Variants in EVA1C observed in about 807,000 individuals in gnomAD.
The protein encoded by EVA1C is protein eva-1 homolog C.
EVA1C carries 25 observed loss-of-function variants against 45.4 expected under a neutral mutation model. The ratio of observed to expected loss-of-function variants is 0.55; its 90% confidence interval spans 0.40 to 0.77. EVA1C has a LOEUF of 0.77. Ranked by LOEUF, EVA1C falls within the 30% of genes least tolerant of loss-of-function variation. EVA1C has a pLI of 0.00. For synonymous variants in EVA1C, 190 were observed against 221.2 expected (o/e 0.86, Z 1.25); for missense variants, 479 against 554.8 (o/e 0.86, Z 1.37).
At chr21:32,451,441 C>T (rs111498222) in intron 1 of EVA1C, among the ~76,000 whole-genome samples, 1 of 152,188 alleles carries the variant, frequency 6.6e-6, no homozygotes, top group African/African-American at 2.4e-5. Flanking sequence ...TAGGCCCCTG[C>T]GCCTGCTGGG....
chr21:32,429,546 G>A (rs1201853055), intron 1 of EVA1C, among the ~76,000 whole-genome samples: 34 of 132,104 alleles, frequency 2.6e-4, no homozygotes, highest in Middle Eastern at 6.7e-3. Flanking sequence ...TAGAGACAGG[G>A]TTTCACCATG....
chr21:32,444,053 A>AACACACACACAC (rs60086580), intron 1 of EVA1C, among the ~76,000 whole-genome samples: 9 of 140,042 alleles, frequency 6.4e-5, no homozygotes, highest in Admixed American at 5.8e-4. Flanking sequence ...ATTGTGTGAA[A>AACACACACACAC]ACACACACAC....
chr21:32,464,570 C>G (rs749646506), intron 3 of EVA1C, among the ~76,000 whole-genome samples: 1 of 151,948 alleles, frequency 6.6e-6, no homozygotes, highest in African/African-American at 2.4e-5. Context: ...GCCTGTAATC[C>G]CAGCAATTTG....
At chr21:32,453,603 A>G in intron 2 of EVA1C, 95 bp downstream of exon 2, 1 of 947,544 alleles carries the variant, frequency 1.1e-6, no homozygotes, top group Non-Finnish European at 1.6e-6. Context: ...TATATAGTTC[A>G]ATCCAAGCAA....
At chr21:32,468,333 T>C (rs764583265) in intron 4 of EVA1C, among the ~76,000 whole-genome samples, 1 of 151,616 alleles carries the variant, frequency 6.6e-6, no homozygotes, top group African/African-American at 2.4e-5. Context: ...CGTGCCATTA[T>C]TGCGCTCCAG....
At chr21:32,453,080 C>T in intron 1 of EVA1C, 1 of 470,026 alleles carries the variant, frequency 2.1e-6, no homozygotes, top group East Asian at 3.1e-5. Flanking sequence ...CTTCTCTACC[C>T]AGCACTCCCC....
chr21:32,477,552 C>G (rs1483085387), intron 4 of EVA1C, among the ~76,000 whole-genome samples: 2 of 152,042 alleles, frequency 1.3e-5, no homozygotes, highest in African/African-American at 4.8e-5. Context: ...TGCAAGGGGA[C>G]TGGCTCATGG....
At position 32,457,636 on chromosome 21, in the gene EVA1C, C is replaced by T; in HGVS notation, c.397C>T (p.Leu133Phe). 1 of 1,614,186 alleles carries T rather than the reference C, an allele frequency of 6.2e-7. No homozygotes were observed. The highest frequency in any genetic ancestry group is 8.5e-7 in the Non-Finnish European group (1 of 1,179,990). Reference protein sequence around the residue: ...DECQNQRACHLLVNSRVFGPD... With the variant: ...DECQNQRACHFLVNSRVFGPD... ...ATGCCAGAACCAGCGGGCCTGCCAC[C>T]TCCTGGTCAATAGCCGTGTTTTTGG... is the stretch of plus-strand genomic sequence containing the variant. Residue 133 changes from leucine (L) to phenylalanine (F), a missense_variant, in exon 3 of 8, where the codon CTC (leucine) becomes TTC (phenylalanine). Leu to Phe is a conservative substitution (Grantham distance 22). This residue lies in a region of EVA1C where 366 missense variants were observed against 426.1 expected (regional missense o/e 0.86). Transcript: ENST00000300255.
chr21:32,507,647 C>G lies in EVA1C; in HGVS notation c.949+3632C>G, dbSNP rs560379243. On this transcript the variant is annotated intron_variant, in intron 7 of 7. Coordinates refer to ENST00000300255, the MANE Select transcript of EVA1C (RefSeq NM_058187.5). Reference sequence around the variant, plus strand: ...GCGTATCTGTGTGTGCATGGGTTTGCAGGTGTGCCTGTGTGTGCATGCATG... The same window carrying G: ...GCGTATCTGTGTGTGCATGGGTTTGGAGGTGTGCCTGTGTGTGCATGCATG... Among the ~76,000 whole-genome samples, 105 of 143,430 alleles carry G rather than the reference C, an allele frequency of 7.3e-4. 2 individuals carry two copies. The highest frequency in any genetic ancestry group is 2.6e-3 in the African/African-American group (98 of 38,352). 94.1% of individuals were successfully genotyped at this position (143,430 alleles called of 152,430 possible).
At chr21:32,497,326 T>A in intron 5 of EVA1C, 2 of 605,336 alleles carry the variant, frequency 3.3e-6, no homozygotes, top group East Asian at 7.8e-5. Context: ...GGTGGACTTT[T>A]TTAATGGGTC....
upstream of EVA1C, chr21:32,411,921 C>T (rs936617536): frequency 1.3e-5 from 2 of 152,332 alleles, no homozygotes; most frequent in African/African-American, 4.8e-5. Context: ...GTGGGTCACC[C>T]CGCGCACAGT....
intron 4 of EVA1C, among the ~76,000 whole-genome samples, chr21:32,490,873 G>A (rs1391990079): frequency 2.0e-5 from 3 of 152,210 alleles, no homozygotes; most frequent in Non-Finnish European, 4.4e-5. Context: ...ACCAGGAGTA[G>A]GCTCCAAGAG....
At chr21:32,436,346 G>C (rs199736463) in intron 1 of EVA1C, among the ~76,000 whole-genome samples, 1 of 125,792 alleles carries the variant, frequency 7.9e-6, no homozygotes, top group Non-Finnish European at 1.7e-5. Flanking sequence ...ACAGACATGA[G>C]CCACCACACC....
chr21:32,416,579 T>C (rs1207616143), intron 1 of EVA1C, among the ~76,000 whole-genome samples: 3 of 152,178 alleles, frequency 2.0e-5, no homozygotes, highest in Non-Finnish European at 4.4e-5. Flanking sequence ...TCCACCCACC[T>C]TGGCCTCCCA....
At chr21:32,441,154 A>G (rs2035160931) in intron 1 of EVA1C, among the ~76,000 whole-genome samples, 2 of 152,222 alleles carry the variant, frequency 1.3e-5, no homozygotes, top group South Asian at 4.1e-4. Flanking sequence ...CTATATGACA[A>G]ACTCTTGCTA....
At chr21:32,502,049 TTTCTTCTTTCTTTCTTTCTTCTG>T (rs2037573406) in intron 6 of EVA1C, among the ~76,000 whole-genome samples, 1 of 138,532 alleles carries the variant, frequency 7.2e-6, no homozygotes, top group Non-Finnish European at 1.5e-5. Flanking sequence ...TCTTTCTTTC[TTTCTTCTTTCTTTCTTTCTTCTG>T]TCTTTCTTTC....
chr21:32,453,539 T>C (rs1166487086), intron 2 of EVA1C, 31 bp downstream of exon 2: 4 of 1,485,872 alleles, frequency 2.7e-6, no homozygotes, highest in Admixed American at 3.4e-5. Flanking sequence ...GTTAAGATGA[T>C]ACAGTTTCAA....
Position 32,457,674 on chromosome 21 carries a change from T to C in EVA1C, c.435T>C (p.Cys145=), listed in dbSNP as rs1476774917. ...GCCGTGTTTTTGGACCTGACCTTTG[T>C]CCAGGAAGCAGTAAATACCTCCTGG... is the stretch of plus-strand genomic sequence containing the variant. ...VNSRVFGPDL[C]PGSSKYLLVS... The change falls in exon 3 of 8, where the codon TGT becomes TGC. Residue 145 remains cysteine (C), a synonymous_variant. Transcript: ENST00000300255. 1.9e-6 allele frequency: 3 copies of C among 1,614,156 alleles called. No individual in the cohort carries two copies. The highest frequency in any genetic ancestry group is 2.5e-6 in the Non-Finnish European group (3 of 1,180,006).
At chr21:32,471,908 G>A (rs1324225544) in intron 4 of EVA1C, among the ~76,000 whole-genome samples, 5 of 152,148 alleles carry the variant, frequency 3.3e-5, no homozygotes, top group Non-Finnish European at 5.9e-5. Context: ...AATTACAGGC[G>A]TGAGCAACCG....
Sources: gnomAD v4.1 joint callset for allele counts (sites outside exome capture counted in the v4.1 genomes callset) on GRCh38, gnomAD v4.1.1 for gene constraint, gnomAD v4.1.1 regional missense constraint, MANE v1.5 for transcripts, NCBI Gene and HGNC (gene_info 2026-07-23, HGNC 2026-07-21) for gene names.